The following TMEM232 variants were observed in gnomAD, a reference collection of about 807,000 sequenced individuals.
The protein encoded by TMEM232 is transmembrane protein 232.
TMEM232 carries 80 observed loss-of-function variants against 78.8 expected under a neutral mutation model. The ratio of observed to expected loss-of-function variants is 1.01; its 90% CI spans 0.85 to 1.22. The LOEUF (loss-of-function observed/expected upper bound fraction) is 1.22. TMEM232 is among the 50% of genes most tolerant of loss of function. The pLI is 0.00. For synonymous variants in TMEM232, 297 were observed against 254.3 expected (o/e 1.17, Z -1.60); for missense variants, 881 against 742.2 (o/e 1.19, Z -2.17).
intron 2 of TMEM232, among the ~76,000 whole-genome samples, chr5:110,659,054 A>G (rs1238787182): frequency 6.6e-6 from 1 of 152,136 alleles, no homozygotes; most frequent in East Asian, 1.9e-4. Context: ...AACCCTCAAC[A>G]TGCTTATTTT....
At chr5:110,631,055 G>C (rs1375250698) in intron 5 of TMEM232, among the ~76,000 whole-genome samples, 1 of 152,028 alleles carries the variant, frequency 6.6e-6, no homozygotes, top group East Asian at 1.9e-4. Flanking sequence ...CCTCCCTTTA[G>C]AAAGATAGCC....
intron 12 of TMEM232, among the ~76,000 whole-genome samples, chr5:110,495,923 C>T (rs1366713072): frequency 5.3e-5 from 8 of 151,054 alleles, no homozygotes; most frequent in African/African-American, 1.7e-4. Flanking sequence ...TAAAGAAGAA[C>T]CATTCATACT....
intron 2 of TMEM232, among the ~76,000 whole-genome samples, chr5:110,661,224 C>T (rs925734625): frequency 3.9e-5 from 6 of 152,052 alleles, no homozygotes; most frequent in African/African-American, 1.4e-4. Flanking sequence ...TTTCTTTATT[C>T]ATTTATCATG....
intron 12 of TMEM232, among the ~76,000 whole-genome samples, chr5:110,474,680 TAG>T (rs1394369619): frequency 6.6e-6 from 1 of 151,946 alleles, no homozygotes; most frequent in Non-Finnish European, 1.5e-5. Flanking sequence ...TATAAATAAT[TAG>T]ACTTAATATG....
intron 1 of TMEM232, among the ~76,000 whole-genome samples, chr5:110,684,351 G>T (rs1793134028): frequency 6.6e-6 from 1 of 152,044 alleles, no homozygotes; most frequent in African/African-American, 2.4e-5. Context: ...ATTAAGAAGA[G>T]ATTTCTGGAT....
intron 2 of TMEM232, among the ~76,000 whole-genome samples, chr5:110,411,683 T>C (rs1756000104): frequency 6.6e-6 from 1 of 152,210 alleles, no homozygotes; most frequent in Non-Finnish European, 1.5e-5. Flanking sequence ...AGTGGAATCA[T>C]ACAGTATTTG....
intron 1 of TMEM232, among the ~76,000 whole-genome samples, chr5:110,673,674 C>T (rs1791656110): frequency 1.3e-5 from 2 of 152,092 alleles, no homozygotes; most frequent in South Asian, 4.1e-4. Flanking sequence ...TGATTTGGCT[C>T]ACTGTTGATT....
At chr5:110,680,011 C>T (rs1231132578) in intron 1 of TMEM232, among the ~76,000 whole-genome samples, 3 of 152,142 alleles carry the variant, frequency 2.0e-5, no homozygotes, top group Non-Finnish European at 4.4e-5. Context: ...TGATTCCTTA[C>T]ATCCTAACTC....
At chr5:110,494,945 T>C (rs545359144) in intron 12 of TMEM232, among the ~76,000 whole-genome samples, 23 of 151,796 alleles carry the variant, frequency 1.5e-4, no homozygotes, top group African/African-American at 5.3e-4. Flanking sequence ...ATAAGTATTC[T>C]TACAAAAATA....
intron 13 of TMEM232, among the ~76,000 whole-genome samples, chr5:110,421,119 G>GA (rs1177805766): frequency 6.6e-6 from 1 of 151,684 alleles, no homozygotes; most frequent in Admixed American, 6.6e-5. Flanking sequence ...AAAACAGAAA[G>GA]AAAAAATACA....
intron 8 of TMEM232, among the ~76,000 whole-genome samples, chr5:110,608,082 T>G (rs1375051386): frequency 6.6e-6 from 1 of 151,960 alleles, no homozygotes; most frequent in Non-Finnish European, 1.5e-5. Context: ...ATGATGCTTA[T>G]GAACATGAAC....
chr5:110,667,496 A>T (rs1025253976), intron 1 of TMEM232, 132 bp from the exon 2 acceptor site: 2 of 645,680 alleles, frequency 3.1e-6, no homozygotes, highest in Non-Finnish European at 2.4e-6. Context: ...TTCTATATTA[A>T]GGAAGAATTT....
At chr5:110,454,633 TAAAAG>T (rs1264319624) in intron 12 of TMEM232, among the ~76,000 whole-genome samples, 1 of 151,684 alleles carries the variant, frequency 6.6e-6, no homozygotes, top group African/African-American at 2.4e-5. Context: ...TATTTTAAAT[TAAAAG>T]AAAATGAAAG....
chr5:110,391,761 G>T (rs1361818622), intron 3 of TMEM232, among the ~76,000 whole-genome samples: 2 of 152,154 alleles, frequency 1.3e-5, no homozygotes, highest in African/African-American at 2.4e-5. Flanking sequence ...TGACCATAAA[G>T]ATATTTAGAG....
chr5:110,636,430 A>T (rs1785845183), intron 5 of TMEM232, among the ~76,000 whole-genome samples: 1 of 152,046 alleles, frequency 6.6e-6, no homozygotes, highest in Admixed American at 6.6e-5. Context: ...AAACACATAG[A>T]AATAATAAAT....
chr5:110,591,983 T>G (rs1297818515), intron 10 of TMEM232, among the ~76,000 whole-genome samples: 1 of 152,186 alleles, frequency 6.6e-6, no homozygotes. Context: ...GGAACTGGGC[T>G]TTATTACTAA....
chr5:110,400,924 G>C (rs533159069), intron 2 of TMEM232, among the ~76,000 whole-genome samples: 7 of 152,166 alleles, frequency 4.6e-5, no homozygotes, highest in South Asian at 2.1e-4. Context: ...TTAGGATATA[G>C]ATATGTATTT....
intron 1 of TMEM232, among the ~76,000 whole-genome samples, chr5:110,674,527 A>C (rs1274142488): frequency 2.6e-5 from 4 of 152,240 alleles, no homozygotes; most frequent in Non-Finnish European, 4.4e-5. Flanking sequence ...ATGAAGCAAT[A>C]AACATCACCT....
chr5:110,637,281 C>T (rs564842594), intron 5 of TMEM232, among the ~76,000 whole-genome samples: 14 of 151,650 alleles, frequency 9.2e-5, no homozygotes, highest in Admixed American at 7.9e-4. Flanking sequence ...TTCAATCCTC[C>T]ATCTACGCAA....
Sources: allele counts gnomAD v4.1 joint callset (sites outside exome capture counted in the v4.1 genomes callset), GRCh38; gene constraint gnomAD v4.1.1; transcripts MANE v1.5; gene names NCBI Gene and HGNC (gene_info 2026-07-23, HGNC 2026-07-21).